SGPP2: variants seen among roughly 807,000 people sequenced by gnomAD.
The protein encoded by SGPP2 is sphingosine 1-phosphate phosphohydrolase 2.
SGPP2 carries 30 observed loss-of-function variants against 33.9 expected under a neutral mutation model. That is an observed-to-expected ratio of 0.89 (90% CI 0.66 to 1.20). SGPP2 has a LOEUF of 1.20. SGPP2 is among the 50% of genes most tolerant of loss of function. SGPP2 has a pLI of 0.00. For synonymous variants in SGPP2, 233 were observed against 225.0 expected, an observed-to-expected ratio of 1.04 and a Z score of -0.32; for missense variants, 458 against 532.1, an observed-to-expected ratio of 0.86 and a Z score of 1.37.
intron 1 of SGPP2, among the ~76,000 whole-genome samples, chr2:222,442,535 C>A (rs552396418): frequency 7.2e-5 from 11 of 152,148 alleles, no homozygotes; most frequent in South Asian, 2.1e-4. Context: ...AAACATCGAA[C>A]AATTTAATTG....
At chr2:222,514,697 CTT>C (rs1698578697) in intron 2 of SGPP2, among the ~76,000 whole-genome samples, 1 of 152,212 alleles carries the variant, frequency 6.6e-6, no homozygotes, top group African/African-American at 2.4e-5. Context: ...TGGCAGAACA[CTT>C]AAGAGTCATG....
At chr2:222,425,321 T>G (rs1190553425) in intron 1 of SGPP2, among the ~76,000 whole-genome samples, 1 of 152,050 alleles carries the variant, frequency 6.6e-6, no homozygotes, top group Non-Finnish European at 1.5e-5. Context: ...AACTTGGGGC[T>G]CACACAGCTC....
chr2:222,484,084 A>G (rs1698068810), intron 2 of SGPP2, among the ~76,000 whole-genome samples: 1 of 152,230 alleles, frequency 6.6e-6, no homozygotes, highest in Non-Finnish European at 1.5e-5. Flanking sequence ...TTGAAACACA[A>G]TAAGGAAAAG....
intron 2 of SGPP2, among the ~76,000 whole-genome samples, chr2:222,507,745 A>C (rs1382056830): frequency 1.3e-5 from 2 of 152,224 alleles, no homozygotes; most frequent in South Asian, 4.1e-4. Flanking sequence ...GCAGTTTCCC[A>C]TGTACCTATA....
chr2:222,458,694 C>T (rs1252501096), intron 1 of SGPP2, among the ~76,000 whole-genome samples: 4 of 152,124 alleles, frequency 2.6e-5, no homozygotes, highest in Non-Finnish European at 4.4e-5. Context: ...AGTATATTCT[C>T]AATTTAGTAT....
In SGPP2 at chr2:222,559,018, C is replaced by CT; in HGVS notation, c.*122dup. On this transcript the variant is annotated 3_prime_UTR_variant, in exon 5 of 5. Coordinates refer to ENST00000321276, the MANE Select transcript of SGPP2 (RefSeq NM_152386.4). ...CAACAACAAAAAGTCATACGGCTGT[C>CT]TTGCTACTACCAGATAAATGATGCT... The CT allele has an allele frequency of 1.1e-6, 1 of 894,374 alleles. No homozygotes were observed. Among genetic ancestry groups the CT allele is most frequent in the Non-Finnish European group, 1.7e-6 (1 of 594,016 alleles). The allele number at this position is 894,374 out of a possible 1,614,324, so 55.4% of individuals were successfully genotyped here.
intron 2 of SGPP2, among the ~76,000 whole-genome samples, chr2:222,487,305 T>C (rs1453562173): frequency 6.6e-6 from 1 of 152,208 alleles, no homozygotes; most frequent in Admixed American, 6.5e-5. Context: ...AGGGAGGACA[T>C]AGCCAGGTTG....
chr2:222,460,071 C>T lies in SGPP2; in HGVS notation c.220-14497C>T, dbSNP rs972287548. 2.0e-5 allele frequency among the ~76,000 whole-genome samples: 3 copies of T among 152,198 alleles called. No homozygotes were observed. Among genetic ancestry groups the T allele is most frequent in the Non-Finnish European group, 4.4e-5 (3 of 68,032 alleles). On this transcript the variant is annotated intron_variant, in intron 1 of 4. Transcript: ENST00000321276. The surrounding 1 kb of genome is among the most constrained non-coding windows in gnomAD (Gnocchi z 4.3). Reference sequence around the variant, plus strand: ...ATCTGAAGCGCGCGGCCCTCGGTGACGGGGCTCAGTCAAAACCCAGGGCCT... The same window carrying T: ...ATCTGAAGCGCGCGGCCCTCGGTGATGGGGCTCAGTCAAAACCCAGGGCCT...
chr2:222,461,051 C>G (rs935866491), intron 1 of SGPP2, among the ~76,000 whole-genome samples: 2 of 152,188 alleles, frequency 1.3e-5, no homozygotes, highest in Non-Finnish European at 2.9e-5. Context: ...CCACCACATT[C>G]GGCTGTTTTT....
intron 2 of SGPP2, among the ~76,000 whole-genome samples, chr2:222,517,266 G>A (rs1052619801): frequency 6.6e-6 from 1 of 152,098 alleles, no homozygotes; most frequent in South Asian, 2.1e-4. Flanking sequence ...CCCCTATCCT[G>A]TACCCATATA....
intron 4 of SGPP2, among the ~76,000 whole-genome samples, chr2:222,541,333 GC>G (rs1698993399): frequency 6.6e-6 from 1 of 152,218 alleles, no homozygotes; most frequent in African/African-American, 2.4e-5. Flanking sequence ...AAGACTGCTT[GC>G]AAGAGTATCT....
rs552799976 is a variant in SGPP2 at position 222,487,956 on chromosome 2, G to T, written c.378+13230G>T. Among the ~76,000 whole-genome samples, 6 of 152,244 alleles carry T rather than the reference G, an allele frequency of 3.9e-5. No individual in the cohort carries two copies. In the South Asian group the frequency reaches 1.0e-3, roughly 26 times the overall value. On this transcript the variant is annotated intron_variant, in intron 2 of 4. Coordinates refer to ENST00000321276, the MANE Select transcript of SGPP2 (RefSeq NM_152386.4). ...CCATACTCCACAGGACAGGAGTGGG[G>T]CTCAGATGTTTATCATAGAGAACAA...
intron 2 of SGPP2, among the ~76,000 whole-genome samples, chr2:222,478,774 G>A (rs903246525): frequency 7.3e-6 from 1 of 137,236 alleles, no homozygotes; most frequent in Non-Finnish European, 1.5e-5. Context: ...CACACTGTCT[G>A]AAGTAGCTTA....
intron 1 of SGPP2, chr2:222,452,905 G>A (rs1697514243): frequency 1.3e-6 from 2 of 1,596,750 alleles, no homozygotes; most frequent in African/African-American, 1.3e-5. Flanking sequence ...TTGTAGCTAA[G>A]GTTCAGGATA....
At chr2:222,521,017 C>T (rs1378422596) in intron 2 of SGPP2, among the ~76,000 whole-genome samples, 1 of 152,234 alleles carries the variant, frequency 6.6e-6, no homozygotes, top group East Asian at 1.9e-4. Context: ...GCCTTGGCCT[C>T]CCAAAGTGTT....
At chr2:222,524,846 C>A in intron 3 of SGPP2, 98 bp from the exon 4 acceptor site, 3 of 932,888 alleles carry the variant, frequency 3.2e-6, no homozygotes, top group Non-Finnish European at 4.9e-6. Flanking sequence ...TTTGGACTAG[C>A]AATTCTTGCA....
chr2:222,538,430 A>G (rs931073824), intron 4 of SGPP2, among the ~76,000 whole-genome samples: 1 of 152,182 alleles, frequency 6.6e-6, no homozygotes, highest in Non-Finnish European at 1.5e-5. Context: ...TTACATAGAA[A>G]TCTGTTATAT....
At chr2:222,430,798 C>T (rs907394561) in intron 1 of SGPP2, among the ~76,000 whole-genome samples, 1 of 152,158 alleles carries the variant, frequency 6.6e-6, no homozygotes, top group African/African-American at 2.4e-5. Context: ...TCTCTTGATG[C>T]ATATTAAAAT....
intron 4 of SGPP2, among the ~76,000 whole-genome samples, chr2:222,528,549 G>C (rs1698793773): frequency 6.6e-6 from 1 of 152,148 alleles, no homozygotes; most frequent in African/African-American, 2.4e-5. Flanking sequence ...GGAGGGTCTG[G>C]CTCAGTGTTG....
Sources: gnomAD v4.1 joint callset for allele counts (sites outside exome capture counted in the v4.1 genomes callset) on GRCh38, gnomAD v4.1.1 for gene constraint, Gnocchi (gnomAD v3.1) non-coding constraint, MANE v1.5 for transcripts, NCBI Gene and HGNC (gene_info 2026-07-23, HGNC 2026-07-21) for gene names.